SLC7A14: variants seen among roughly 807,000 people sequenced by gnomAD.
SLC7A14 encodes solute carrier family 7 member 14.
In SLC7A14, 37 loss-of-function variants were observed where a neutral mutation model predicts 60.2. The observed-to-expected ratio is 0.61, with a 90% CI of 0.47 to 0.81. The LOEUF is 0.81. Among genes scored for constraint, SLC7A14 ranks in the 30% least tolerant of loss-of-function variants. The pLI, the probability that SLC7A14 is intolerant of heterozygous loss-of-function variation, is 0.00. For synonymous variants in SLC7A14, 399 were observed against 395.8 expected (o/e 1.01, Z -0.10); for missense variants, 886 against 982.7 (o/e 0.90, Z 1.32).
In SLC7A14 at chr3:170,467,087, C is replaced by T; in HGVS notation, c.2284G>A (p.Ala762Thr). 1.2e-6 allele frequency: 2 copies of T among 1,612,964 alleles called. No homozygotes were observed. The highest frequency in any genetic ancestry group is 1.7e-6 in the Non-Finnish European group (2 of 1,179,516). The change falls in exon 8 of 8, where the codon GCA becomes ACA. Residue 762 changes from alanine to threonine, a missense_variant. By Grantham distance (58) the Ala-to-Thr change is moderately conservative (BLOSUM62 0). Coordinates refer to ENST00000231706, the MANE Select transcript of SLC7A14 (RefSeq NM_020949.3). ...GGAGAGTAATCTAACTCATCATTTG[C>T]AATCAGGGCCTCTGAGTTCTGTTTG... ...KHKQNSEALI[A>T]NDELDYSPE
intron 2 of SLC7A14, among the ~76,000 whole-genome samples, chr3:170,515,891 C>T (rs2108288486): frequency 6.6e-6 from 1 of 152,278 alleles, no homozygotes; most frequent in African/African-American, 2.4e-5. Flanking sequence ...CACGTGTGCA[C>T]ATCTTGTTTC....
chr3:170,559,331 C>A (rs1018324190), intron 1 of SLC7A14, among the ~76,000 whole-genome samples: 2 of 152,058 alleles, frequency 1.3e-5, no homozygotes, highest in Non-Finnish European at 2.9e-5. Context: ...ATCAGAAGAG[C>A]TAATCGATTT....
At chr3:170,554,894 C>T (rs1393796355) in intron 1 of SLC7A14, among the ~76,000 whole-genome samples, 5 of 152,192 alleles carry the variant, frequency 3.3e-5, no homozygotes, top group South Asian at 2.1e-4. Context: ...GTGGGACGGG[C>T]GCGGTGGCTC....
At chr3:170,553,997 A>T (rs1245915766) in intron 1 of SLC7A14, among the ~76,000 whole-genome samples, 1 of 152,156 alleles carries the variant, frequency 6.6e-6, no homozygotes, top group Admixed American at 6.6e-5. Flanking sequence ...CTGCCTACAG[A>T]TGGCACTATG....
intron 2 of SLC7A14, among the ~76,000 whole-genome samples, chr3:170,509,052 CTG>C (rs536467879): frequency 3.0e-4 from 46 of 152,188 alleles, no homozygotes; most frequent in Non-Finnish European, 5.7e-4. Flanking sequence ...GCCACGAAAA[CTG>C]TGGGTTTTTC....
chr3:170,494,566 G>A (rs1192508128), intron 4 of SLC7A14, among the ~76,000 whole-genome samples: 1 of 152,234 alleles, frequency 6.6e-6, no homozygotes, highest in Admixed American at 6.5e-5. Context: ...TCTTCAGGAT[G>A]GGTAAAGAAC....
At chr3:170,554,394 G>A (rs1714432528) in intron 1 of SLC7A14, among the ~76,000 whole-genome samples, 1 of 152,220 alleles carries the variant, frequency 6.6e-6, no homozygotes. Context: ...TTCACATTTT[G>A]TCTTCCATGC....
At chr3:170,513,158 C>T (rs923566393) in intron 2 of SLC7A14, among the ~76,000 whole-genome samples, 4 of 152,148 alleles carry the variant, frequency 2.6e-5, no homozygotes, top group Non-Finnish European at 5.9e-5. Context: ...GGAATAGTGA[C>T]TCCCTTGGAT....
At chr3:170,547,092 T>C (rs1162676467) in intron 1 of SLC7A14, among the ~76,000 whole-genome samples, 3 of 152,132 alleles carry the variant, frequency 2.0e-5, no homozygotes, top group Non-Finnish European at 4.4e-5. Flanking sequence ...TGGATGGAGA[T>C]GTAAGATTGT....
intron 7 of SLC7A14, among the ~76,000 whole-genome samples, chr3:170,468,746 G>T (rs1193091198): frequency 6.6e-6 from 1 of 152,064 alleles, no homozygotes; most frequent in Non-Finnish European, 1.5e-5. Context: ...GTGTAACCCT[G>T]GTCCCATTAC....
chr3:170,500,596 T>A (rs192901136), intron 3 of SLC7A14, among the ~76,000 whole-genome samples: 5 of 152,294 alleles, frequency 3.3e-5, no homozygotes, highest in Non-Finnish European at 4.4e-5. Flanking sequence ...TTTTATTCAT[T>A]AAATTTTTTT....
At chr3:170,516,579 A>G (rs1560266509) in intron 2 of SLC7A14, among the ~76,000 whole-genome samples, 1 of 151,522 alleles carries the variant, frequency 6.6e-6, no homozygotes, top group Non-Finnish European at 1.5e-5. Context: ...TAATAATAAC[A>G]ATAAAATAAA....
intron 1 of SLC7A14, among the ~76,000 whole-genome samples, chr3:170,544,581 T>C (rs2108301769): frequency 6.6e-6 from 1 of 152,362 alleles, no homozygotes; most frequent in East Asian, 1.9e-4. Flanking sequence ...AAGTTTAAAA[T>C]GTCCCAAGTT....
At chr3:170,521,296 G>A (rs904701223) in intron 2 of SLC7A14, among the ~76,000 whole-genome samples, 1 of 152,192 alleles carries the variant, frequency 6.6e-6, no homozygotes, top group African/African-American at 2.4e-5. Flanking sequence ...GTTATAAGCT[G>A]GTTTGCATAG....
intron 2 of SLC7A14, among the ~76,000 whole-genome samples, chr3:170,519,057 A>G (rs1484719905): frequency 6.6e-6 from 1 of 152,148 alleles, no homozygotes; most frequent in South Asian, 2.1e-4. Context: ...AATGATGATA[A>G]AGAAAGGGGA....
intron 1 of SLC7A14, among the ~76,000 whole-genome samples, chr3:170,576,814 G>A (rs926378264): frequency 6.6e-6 from 1 of 152,152 alleles, no homozygotes; most frequent in African/African-American, 2.4e-5. Context: ...TCCACCAAAA[G>A]TCAGTAGTAA....
intron 2 of SLC7A14, among the ~76,000 whole-genome samples, chr3:170,504,600 G>A (rs573627984): frequency 3.3e-5 from 5 of 152,172 alleles, no homozygotes; most frequent in South Asian, 2.1e-4. Flanking sequence ...GGATTACAGC[G>A]TGAGCCACTG....
chr3:170,481,526 C>T lies in SLC7A14; in HGVS notation c.1116-360G>A, dbSNP rs555392583. Among the ~76,000 whole-genome samples, 28 of 151,774 alleles carry T rather than the reference C, an allele frequency of 1.8e-4. No individual in the cohort carries two copies. In the South Asian group the frequency reaches 4.0e-3, roughly 22 times the overall value. ...AAGTGATTCTCCTGCCTCAGCCTCC[C>T]GAGTAGCTGGGATTACAGGCATGCA... On this transcript the variant is annotated intron_variant, in intron 6 of 7. Coordinates refer to ENST00000231706, the MANE Select transcript of SLC7A14 (RefSeq NM_020949.3).
chr3:170,527,022 A>G lies in SLC7A14; in HGVS notation c.-86T>C, dbSNP rs950399986. 6 of 1,405,118 alleles carry G rather than the reference A, an allele frequency of 4.3e-6. No individual in the cohort carries two copies. Among genetic ancestry groups the G allele is most frequent in the East Asian group, 4.9e-5 (2 of 40,436 alleles). 87.0% of individuals were successfully genotyped at this position (1,405,118 alleles called of 1,614,324 possible). A position where few individuals can be genotyped will look rare whatever the true frequency, so the allele number is the denominator to read the frequency against. On this transcript the variant is annotated 5_prime_UTR_variant, in exon 2 of 8. Transcript: ENST00000231706. ...GGATGGTTCTGGAACTCATCTAGTG[A>G]ACAGGGATCTCCCTTTTAGGAAAGG...
Sources: allele counts gnomAD v4.1 joint callset (sites outside exome capture counted in the v4.1 genomes callset), GRCh38; gene constraint gnomAD v4.1.1; transcripts MANE v1.5; gene names NCBI Gene and HGNC (gene_info 2026-07-23, HGNC 2026-07-21).